TMEM207: variants seen among roughly 807,000 people sequenced by gnomAD.
TMEM207 encodes the protein SRSR846.
Under a neutral mutation model 17.4 loss-of-function variants are expected in TMEM207, and 15 were observed. The ratio of observed to expected loss-of-function variants is 0.86; its 90% CI spans 0.58 to 1.33. TMEM207 has a LOEUF of 1.33. TMEM207 is among the 40% of genes most tolerant of loss of function. The probability of loss-of-function intolerance (pLI) is 0.00; values close to 1 mark genes in which losing one functional copy is unlikely to be tolerated. For synonymous variants in TMEM207, 70 were observed against 65.6 expected, an observed-to-expected ratio of 1.07 and a Z score of -0.33; for missense variants, 205 against 173.8, an observed-to-expected ratio of 1.18 and a Z score of -1.01.
chr3:190,449,788 T>C lies in TMEM207; in HGVS notation c.22A>G (p.Ser8Gly). 6.2e-7 allele frequency: 1 copy of C among 1,613,836 alleles called. No individual in the cohort carries two copies. Among genetic ancestry groups the C allele is most frequent in the Non-Finnish European group, 8.5e-7 (1 of 1,179,778 alleles). Residue 8 changes from serine (S) to glycine (G), a missense_variant, in exon 1 of 5, where the codon AGT becomes GGT. Ser to Gly is a moderately conservative substitution (Grantham distance 56). Transcript: ENST00000354905. ...ATCGTTGAGATCGCTGAGGTGACAC[T>C]GAAAAGTCTGGATCTTGACATATTT... MSRSRLF[S>G]VTSAISTIGI... is the part of the protein sequence containing the mutation.
At chr3:190,435,645 G>A (rs145381671) in intron 4 of TMEM207, among the ~76,000 whole-genome samples, 172 of 152,174 alleles carry the variant, frequency 1.1e-3, no homozygotes, top group African/African-American at 4.0e-3. Flanking sequence ...AAAGACTTTC[G>A]AGAAGCCCCT....
chr3:190,444,158 G>C (rs553105538), intron 2 of TMEM207, among the ~76,000 whole-genome samples: 6 of 152,122 alleles, frequency 3.9e-5, no homozygotes, highest in South Asian at 2.1e-4. Flanking sequence ...GCATTTTCTA[G>C]GGCAGACACT....
intron 4 of TMEM207, among the ~76,000 whole-genome samples, chr3:190,433,141 C>A (rs918489343): frequency 5.3e-5 from 8 of 152,194 alleles, no homozygotes; most frequent in African/African-American, 1.9e-4. Flanking sequence ...CAAATTCTCT[C>A]TTTTCTAATG....
chr3:190,440,170 G>A, intron 4 of TMEM207, 74 bp downstream of exon 4: 1 of 1,519,062 alleles, frequency 6.6e-7, no homozygotes, highest in East Asian at 2.3e-5. Flanking sequence ...TCTGCTTTTG[G>A]GAGAACAGTT....
Position 190,429,528 on chromosome 3 carries a change from T to G in TMEM207, c.*67A>C. ...CATTTCCAACAACTGAAATAACTAT[T>G]CCTAAATTTGATGTTTTGGAATTAC... On this transcript the variant is annotated 3_prime_UTR_variant, in exon 5 of 5. Transcript: ENST00000354905. 6.3e-7 allele frequency: 1 copy of G among 1,575,628 alleles called. No homozygotes were observed. The highest frequency in any genetic ancestry group is 1.1e-5 in the South Asian group (1 of 89,002).
intron 4 of TMEM207, among the ~76,000 whole-genome samples, chr3:190,434,475 C>T (rs1166149707): frequency 3.3e-5 from 5 of 152,190 alleles, no homozygotes; most frequent in Non-Finnish European, 7.3e-5. Flanking sequence ...TTGCTTTCTA[C>T]CGTGATAGTG....
intron 4 of TMEM207, among the ~76,000 whole-genome samples, chr3:190,430,450 C>T (rs1312960919): frequency 1.3e-5 from 2 of 150,700 alleles, no homozygotes; most frequent in African/African-American, 4.9e-5. Flanking sequence ...TTGGGTAACA[C>T]AAAAAAATAA....
At position 190,447,797 on chromosome 3, in the gene TMEM207, C is replaced by T. The variant is rs181974010; in HGVS notation, c.106G>A (p.Asp36Asn). ...LVLSDLPCEE[D>N]EMCVNYNDQH... Reference sequence around the variant, plus strand: ...TTTTCGCTGTTTACTTACATTTCATCTTCTTCGCATGGTAGGTCCGAGAGC... The same window carrying T: ...TTTTCGCTGTTTACTTACATTTCATTTTCTTCGCATGGTAGGTCCGAGAGC... The change falls in exon 2 of 5, where the codon GAT becomes AAT. Residue 36 changes from aspartate (D) to asparagine (N), a missense_variant. By Grantham distance (23) the Asp-to-Asn change is conservative. Transcript: ENST00000354905. The T allele has an allele frequency of 5.0e-6, 8 of 1,611,022 alleles. No homozygotes were observed. In the Admixed American group the frequency reaches 1.2e-4, roughly 24 times the overall value.
intron 4 of TMEM207, among the ~76,000 whole-genome samples, chr3:190,433,401 A>T (rs1719731498): frequency 6.6e-6 from 1 of 152,190 alleles, no homozygotes; most frequent in South Asian, 2.1e-4. Flanking sequence ...ATACAAATTT[A>T]AAAAATAAAA....
At chr3:190,448,590 G>A (rs191226473) in intron 1 of TMEM207, among the ~76,000 whole-genome samples, 1 of 152,270 alleles carries the variant, frequency 6.6e-6, no homozygotes, top group Non-Finnish European at 1.5e-5. Flanking sequence ...CTCCTTCCTT[G>A]TACAAGGAGA....
chr3:190,439,263 A>C (rs904350868), intron 4 of TMEM207, among the ~76,000 whole-genome samples: 2 of 151,952 alleles, frequency 1.3e-5, no homozygotes, highest in Non-Finnish European at 2.9e-5. Context: ...AAGGAAAAAA[A>C]AAAAGCTGGA....
At chr3:190,429,848 G>A in intron 4 of TMEM207, 117 bp from the exon 5 acceptor site, 1 of 1,239,584 alleles carries the variant, frequency 8.1e-7, no homozygotes, top group Non-Finnish European at 1.1e-6. Context: ...AAAATTATTT[G>A]TATCTATGAG....
In TMEM207 at chr3:190,432,729, C is replaced by T. The variant is rs148144247; in HGVS notation, c.305-2998G>A. ...ACCTCTCTGCAGCCCTCCTATTTCT[C>T]CCCAGCTCAGAGCACTCATACATAA... On this transcript the variant is annotated intron_variant, in intron 4 of 4. Coordinates refer to ENST00000354905, the MANE Select transcript of TMEM207 (RefSeq NM_207316.3). Among the ~76,000 whole-genome samples the T allele has an allele frequency of 4.6e-3, 695 of 152,260 alleles. 9 individuals are homozygous for T. The South Asian group carries it at 0.053, about 12-fold the overall frequency.
chr3:190,439,101 C>T (rs564568851), intron 4 of TMEM207, among the ~76,000 whole-genome samples: 3 of 142,562 alleles, frequency 2.1e-5, no homozygotes, highest in South Asian at 2.2e-4. Context: ...GGCGTGAACC[C>T]GGGAGGGGGA....
chr3:190,434,320 G>C lies in TMEM207; in HGVS notation c.305-4589C>G, dbSNP rs1047832614. Among the ~76,000 whole-genome samples, 9 of 152,130 alleles carry C rather than the reference G, an allele frequency of 5.9e-5. No individual in the cohort carries two copies. The South Asian group carries it at 6.2e-4, about 10-fold the overall frequency. On this transcript the variant is annotated intron_variant, in intron 4 of 4. Transcript: ENST00000354905. ...GGGATCTGATGGAAGACAATTGAGT[G>C]GTGGGGTGGTTTCCTCCATATTGTT...
chr3:190,438,935 A>T (rs1719862258), intron 4 of TMEM207, among the ~76,000 whole-genome samples: 1 of 152,000 alleles, frequency 6.6e-6, no homozygotes, highest in African/African-American at 2.4e-5. Context: ...CACGCCTGTA[A>T]TCCCAGCACT....
Position 190,429,533 on chromosome 3 carries a change from A to T in TMEM207, c.*62T>A. On this transcript the variant is annotated 3_prime_UTR_variant, in exon 5 of 5. Coordinates refer to ENST00000354905, the MANE Select transcript of TMEM207 (RefSeq NM_207316.3). ...CCAACAACTGAAATAACTATTCCTA[A>T]ATTTGATGTTTTGGAATTACAGATG... The T allele has an allele frequency of 6.3e-7, 1 of 1,587,862 alleles. No homozygotes were observed. The highest frequency in any genetic ancestry group is 1.1e-5 in the South Asian group (1 of 89,650).
intron 2 of TMEM207, among the ~76,000 whole-genome samples, chr3:190,444,237 G>A (rs1330592439): frequency 2.0e-5 from 3 of 152,102 alleles, no homozygotes; most frequent in African/African-American, 7.2e-5. Flanking sequence ...TATACAGTAG[G>A]GTCATACTAT....
Position 190,444,534 on chromosome 3 carries a change from G to C in TMEM207, c.114-3052C>G, listed in dbSNP as rs1276657999. 6 of 836,570 alleles carry C rather than the reference G, an allele frequency of 7.2e-6. No homozygotes were observed. The South Asian group carries it at 2.7e-4, about 38-fold the overall frequency. 51.8% of individuals were successfully genotyped at this position (836,570 alleles called of 1,614,324 possible). A position where few individuals can be genotyped will look rare whatever the true frequency, so the allele number is the denominator to read the frequency against. On this transcript the variant is annotated intron_variant, in intron 2 of 4. Transcript: ENST00000354905. The stretch of plus-strand genomic sequence containing the variant: ...AAAAAAAAAATAGAAATGAGAGCCT[G>C]GTGAGGATCAGACAGAGAATAGGCC...
Sources: allele counts gnomAD v4.1 joint callset (sites outside exome capture counted in the v4.1 genomes callset), GRCh38; gene constraint gnomAD v4.1.1; transcripts MANE v1.5; gene names NCBI Gene and HGNC (gene_info 2026-07-23, HGNC 2026-07-21).